ATP2B3: variants seen among roughly 807,000 people sequenced by gnomAD.
ATP2B3 encodes plasma membrane calcium-transporting ATPase 3.
ATP2B3 carries 12 observed loss-of-function variants against 70.8 expected under a neutral mutation model. That is an observed-to-expected ratio of 0.17 (90% CI 0.11 to 0.27). The LOEUF is 0.27. Ranked by LOEUF, ATP2B3 falls within the 10% of genes least tolerant of loss-of-function variation. The pLI, the probability that ATP2B3 is intolerant of heterozygous loss-of-function variation, is 1.00. For missense variants in ATP2B3, 858 were observed against 1,118.5 expected (o/e 0.77, Z 3.32); for synonymous variants, 460 against 497.8 (o/e 0.92, Z 1.01).
At position 153,546,072 on chromosome X, in the gene ATP2B3, C is replaced by A; in HGVS notation, c.917-16C>A. The A allele has an allele frequency of 8.3e-7, 1 of 1,211,361 alleles. No homozygotes were observed. The highest frequency in any genetic ancestry group is 1.1e-6 in the Non-Finnish European group (1 of 895,239). On this transcript the variant is annotated splice_polypyrimidine_tract_variant and intron_variant, in intron 7 of 21. Transcript: ENST00000263519. ...GTCCTCAAGCCTTCGTGTCTGTCAT[C>A]CCTCTTCCATTGTAGGCAAGCAGCA...
chrX:153,536,234 G>A lies in ATP2B3; in HGVS notation c.-14G>A. On this transcript the variant is annotated 5_prime_UTR_variant, in exon 3 of 22. Transcript: ENST00000263519. The stretch of plus-strand genomic sequence containing the variant: ...GAGCCAAGATTGCACTTGTGAGAAG[G>A]CCTGACAGGCAGCATGGGCGACATG... 1 of 1,181,550 alleles carries A rather than the reference G, an allele frequency of 8.5e-7. No individual in the cohort carries two copies. Among genetic ancestry groups the A allele is most frequent in the African/African-American group, 1.7e-5 (1 of 57,250 alleles).
chrX:153,560,401 C>T (rs1357895865), intron 18 of ATP2B3, among the ~76,000 whole-genome samples: 2 of 111,523 alleles, frequency 1.8e-5, no homozygotes, highest in Non-Finnish European at 1.9e-5. Flanking sequence ...AGGAGGAGGG[C>T]GTCCGAGGAA....
At chrX:153,529,704 G>A (rs935628499) in intron 2 of ATP2B3, among the ~76,000 whole-genome samples, 2 of 111,768 alleles carry the variant, frequency 1.8e-5, no homozygotes, top group African/African-American at 6.5e-5. Flanking sequence ...CTCTGGCCCC[G>A]TTCAACCCCA....
chrX:153,539,374 G>T (rs1211718263), intron 3 of ATP2B3, among the ~76,000 whole-genome samples: 1 of 113,035 alleles, frequency 8.8e-6, no homozygotes, highest in Non-Finnish European at 1.9e-5. Flanking sequence ...GCTCTTCTGG[G>T]TGGGGAGGAC....
At position 153,530,275 on chromosome X, in the gene ATP2B3, G is replaced by A. The variant is rs1160478319; in HGVS notation, c.-126-5847G>A. On this transcript the variant is annotated intron_variant, in intron 2 of 21. Coordinates refer to ENST00000263519, the MANE Select transcript of ATP2B3 (RefSeq NM_001001344.3). Reference sequence around the variant, plus strand: ...GGTTGGGGTGCTTTATAGCGTTCTGGTCCTCCCGCTTCTGAATGGGAAGCT... The same window carrying A: ...GGTTGGGGTGCTTTATAGCGTTCTGATCCTCCCGCTTCTGAATGGGAAGCT... Among the ~76,000 whole-genome samples, 4 of 112,258 alleles carry A rather than the reference G, an allele frequency of 3.6e-5. No individual in the cohort carries two copies. The East Asian group carries it at 1.1e-3, about 32-fold the overall frequency.
chrX:153,582,523 G>A lies in ATP2B3; in HGVS notation c.*2225G>A, dbSNP rs1314719423. 1 of 112,774 alleles carries A rather than the reference G, an allele frequency of 8.9e-6. No individual in the cohort carries two copies. The highest frequency in any genetic ancestry group is 1.9e-5 in the Non-Finnish European group (1 of 53,352). The allele number at this position is 112,774 out of a possible 1,213,427, so 9.3% of individuals were successfully genotyped here. ...ACACCGATAGGACCAATGGCCAATAGATATTAAAAGCAAACCCTCACTGCT... is the reference window on the plus strand; with the variant it reads ...ACACCGATAGGACCAATGGCCAATAAATATTAAAAGCAAACCCTCACTGCT... On this transcript the variant is annotated 3_prime_UTR_variant, in exon 22 of 22. Coordinates refer to ENST00000263519, the MANE Select transcript of ATP2B3 (RefSeq NM_001001344.3).
In ATP2B3 at chrX:153,562,123, T is replaced by C; in HGVS notation, c.3052-12T>C. On this transcript the variant is annotated splice_polypyrimidine_tract_variant and intron_variant, in intron 19 of 21. Coordinates refer to ENST00000263519, the MANE Select transcript of ATP2B3 (RefSeq NM_001001344.3). ...CGGCTGGACCTGCCTCTCTCCCACTTGCCCTTCGCAGATTGTCATCGTCCA... is the reference window on the plus strand; with the variant it reads ...CGGCTGGACCTGCCTCTCTCCCACTCGCCCTTCGCAGATTGTCATCGTCCA... The C allele has an allele frequency of 8.3e-7, 1 of 1,207,666 alleles. No homozygotes were observed. Among genetic ancestry groups the C allele is most frequent in the Non-Finnish European group, 1.1e-6 (1 of 891,418 alleles).
chrX:153,553,621 G>T (rs1484977196), intron 13 of ATP2B3, among the ~76,000 whole-genome samples: 1 of 112,049 alleles, frequency 8.9e-6, no homozygotes, highest in Non-Finnish European at 1.9e-5. Context: ...CACAGGGTGG[G>T]CGTTTATTGG....
chrX:153,545,530 G>A (rs1280134557), intron 7 of ATP2B3, among the ~76,000 whole-genome samples: 2 of 112,820 alleles, frequency 1.8e-5, no homozygotes, highest in Non-Finnish European at 3.8e-5. Flanking sequence ...AATTAACTGG[G>A]CGTGGTGGTG....
intron 16 of ATP2B3, among the ~76,000 whole-genome samples, chrX:153,557,896 C>T (rs1420849855): frequency 4.7e-5 from 5 of 107,479 alleles, no homozygotes; most frequent in Non-Finnish European, 7.8e-5. Flanking sequence ...CCCCCCCCAC[C>T]GTGACATGTG....
chrX:153,581,250 A>G lies in ATP2B3; in HGVS notation c.*952A>G, dbSNP rs2090920236. On this transcript the variant is annotated 3_prime_UTR_variant, in exon 22 of 22. Coordinates refer to ENST00000263519, the MANE Select transcript of ATP2B3 (RefSeq NM_001001344.3). ...GGGGCGCTCCAGGTCTGGAGCAGGT[A>G]TAATTGGAGCATTTGCACTGAGACC... The G allele has an allele frequency of 9.0e-6, 1 of 111,499 alleles. No individual in the cohort carries two copies. The highest frequency in any genetic ancestry group is 3.8e-4 in the South Asian group (1 of 2,629). The allele number at this position is 111,499 out of a possible 1,213,427, so 9.2% of individuals were successfully genotyped here.
chrX:153,559,538 C>T (rs782504447), intron 17 of ATP2B3, 191 bp from the exon 18 acceptor site: 59 of 430,268 alleles, frequency 1.4e-4, no homozygotes, highest in African/African-American at 1.3e-3. Flanking sequence ...AGAAGGGAGG[C>T]GGGCACGTGA....
chrX:153,526,198 G>C (rs972754368), intron 2 of ATP2B3, among the ~76,000 whole-genome samples: 54 of 112,571 alleles, frequency 4.8e-4, no homozygotes, highest in African/African-American at 1.5e-3. Flanking sequence ...GTGCTCTCCC[G>C]GTGCCTTCCC....
intron 2 of ATP2B3, among the ~76,000 whole-genome samples, chrX:153,535,321 G>A (rs948836847): frequency 6.2e-5 from 7 of 112,037 alleles, no homozygotes; most frequent in Admixed American, 1.9e-4. Flanking sequence ...GAAGAAGAGC[G>A]TGGAGGGGAG....
At chrX:153,576,552 G>A (rs12835731) in intron 21 of ATP2B3, among the ~76,000 whole-genome samples, 55,132 of 111,029 alleles carry the variant, frequency 0.5, 11,893 homozygotes, top group Non-Finnish European at 0.68. Context: ...GGGAACACCC[G>A]GGAGGCAGCC....
rs782009124 is a variant in ATP2B3, at chrX:153,550,158, C to G, written c.1695C>G (p.Ile565Met). 8.3e-7 allele frequency: 1 copy of G among 1,211,461 alleles called. No homozygotes were observed. Among genetic ancestry groups the G allele is most frequent in the Non-Finnish European group, 1.1e-6 (1 of 895,531 alleles). ...KRDFQPVREQ[I>M]PEDKLYKVYT... The stretch of plus-strand genomic sequence containing the variant: ...ACTTCCAGCCCGTGCGCGAGCAGAT[C>G]CCGGAAGACAAGCTTTACAAAGTGT... Residue 565 changes from isoleucine (I) to methionine (M), a missense_variant, in exon 12 of 22, where the codon ATC becomes ATG. Ile to Met is a conservative substitution (Grantham distance 10, BLOSUM62 1). This residue lies in a region of ATP2B3 where 242 missense variants were observed against 281.3 expected (regional missense o/e 0.86). Coordinates refer to ENST00000263519, the MANE Select transcript of ATP2B3 (RefSeq NM_001001344.3).
intron 2 of ATP2B3, among the ~76,000 whole-genome samples, chrX:153,522,755 C>T (rs1266392848): frequency 5.4e-5 from 6 of 112,019 alleles, no homozygotes; most frequent in Non-Finnish European, 9.4e-5. Flanking sequence ...GCCCAGACCT[C>T]GCCTCGTGCT....
intron 2 of ATP2B3, among the ~76,000 whole-genome samples, chrX:153,520,917 G>A (rs2089950290): frequency 1.8e-5 from 2 of 112,611 alleles, no homozygotes; most frequent in South Asian, 7.5e-4. Flanking sequence ...CTGCACCTCT[G>A]CCCCGTCTAC....
At chrX:153,536,768 C>A (rs2090197794) in intron 3 of ATP2B3, among the ~76,000 whole-genome samples, 1 of 112,359 alleles carries the variant, frequency 8.9e-6, no homozygotes, top group African/African-American at 3.2e-5. Flanking sequence ...CAGGGCAGGG[C>A]AGGGAGGAGG....
Sources: allele counts gnomAD v4.1 joint callset (sites outside exome capture counted in the v4.1 genomes callset), GRCh38; gene constraint gnomAD v4.1.1; regional missense constraint gnomAD v4.1.1; transcripts MANE v1.5; gene names NCBI Gene and HGNC (gene_info 2026-07-23, HGNC 2026-07-21).